TES: variants seen among roughly 807,000 people sequenced by gnomAD.
TES encodes testin LIM domain protein.
In TES, 41 loss-of-function variants were observed where a neutral mutation model predicts 48.2. That is an observed-to-expected ratio of 0.85 (90% CI 0.66 to 1.10). The LOEUF is 1.10. TES is among the 50% of genes least tolerant of loss of function. The pLI is 0.00. For synonymous variants in TES, 162 were observed against 174.9 expected, an observed-to-expected ratio of 0.93 and a Z score of 0.58; for missense variants, 463 against 515.1, an observed-to-expected ratio of 0.90 and a Z score of 0.98.
chr7:116,233,372 A>G (rs1346059486), intron 1 of TES, among the ~76,000 whole-genome samples: 3 of 152,144 alleles, frequency 2.0e-5, no homozygotes, highest in South Asian at 4.1e-4. Context: ...CTCAAAGACT[A>G]TTGTTTAATA....
In TES at chr7:116,249,129, CTGAT is replaced by C; in HGVS notation, c.226_229del (p.Ile76GlnfsTer3). Reference sequence around the variant, plus strand: ...TTTTGAAGACACCAAGTATACCACTCTGATTGCAAAACTAAAGTCAGATGGAATT... The same window carrying C: ...TTTTGAAGACACCAAGTATACCACTCTGCAAAACTAAAGTCAGATGGAATT... On this transcript the variant is annotated frameshift_variant, in exon 3 of 7. Transcript: ENST00000358204. LOFTEE classifies it high-confidence loss of function. The C allele has an allele frequency of 6.2e-7, 1 of 1,614,100 alleles. No individual in the cohort carries two copies. Among genetic ancestry groups the C allele is most frequent in the Non-Finnish European group, 8.5e-7 (1 of 1,179,988 alleles).
intron 2 of TES, among the ~76,000 whole-genome samples, chr7:116,241,421 TCTC>T (rs1018882763): frequency 1.1e-4 from 17 of 152,160 alleles, no homozygotes; most frequent in African/African-American, 3.9e-4. Context: ...AGCTGGCTCT[TCTC>T]CTTGTAGAAA....
At chr7:116,246,280 G>C (rs981285429) in intron 2 of TES, among the ~76,000 whole-genome samples, 6 of 152,200 alleles carry the variant, frequency 3.9e-5, no homozygotes, top group African/African-American at 9.7e-5. Flanking sequence ...CATTTGTGAA[G>C]TAGTGGCAGC....
Position 116,250,264 on chromosome 7 carries a change from A to G in TES, c.470A>G (p.His157Arg). The G allele has an allele frequency of 1.2e-6, 2 of 1,612,462 alleles. No individual in the cohort carries two copies. Among genetic ancestry groups the G allele is most frequent in the Non-Finnish European group, 1.7e-6 (2 of 1,179,296 alleles). ...CAGCTGGCAAAGCAGCTCCCTGCAC[A>G]TGACCAGGACCCTTCAAAGTGCCAT... is the stretch of plus-strand genomic sequence containing the variant. ...KKQLAKQLPA[H>R]DQDPSKCHEL... is the part of the protein sequence containing the mutation. Residue 157 changes from histidine (H) to arginine (R), a missense_variant, in exon 4 of 7, where the codon CAT becomes CGT. By Grantham distance (29) the His-to-Arg change is conservative (BLOSUM62 0). Transcript: ENST00000358204.
chr7:116,247,566 C>CT lies in TES; in HGVS notation c.114-1451dup, dbSNP rs201966120. ...TCTATTATTGGGGCCATCACCACTTCTTTCAGTGAATTCATTGAAAAAATC... is the reference window on the plus strand; with the variant it reads ...TCTATTATTGGGGCCATCACCACTTCTTTTCAGTGAATTCATTGAAAAAATC... On this transcript the variant is annotated intron_variant, in intron 2 of 6. Transcript: ENST00000358204. 6.9e-3 allele frequency among the ~76,000 whole-genome samples: 1,048 copies of CT among 151,892 alleles called. 2 individuals carry two copies. The highest frequency in any genetic ancestry group is 0.011 in the Non-Finnish European group (751 of 67,940).
intron 1 of TES, among the ~76,000 whole-genome samples, chr7:116,212,526 G>T (rs569641366): frequency 2.5e-4 from 38 of 152,218 alleles, no homozygotes; most frequent in Non-Finnish European, 4.9e-4. Flanking sequence ...TGGGAACTTC[G>T]AATTTTCTGC....
intron 3 of TES, chr7:116,249,859 A>G (rs17138464): frequency 0.13 from 29,876 of 232,034 alleles, 2,014 homozygotes; most frequent in South Asian, 0.18. Context: ...TGTCTGCCTA[A>G]AAGTTTATGT....
intron 2 of TES, among the ~76,000 whole-genome samples, chr7:116,246,034 G>A (rs1799919376): frequency 6.6e-6 from 1 of 151,038 alleles, no homozygotes; most frequent in Admixed American, 6.6e-5. Context: ...CAACACATGG[G>A]GATTATGGGA....
intron 1 of TES, among the ~76,000 whole-genome samples, chr7:116,228,791 A>G (rs1410622991): frequency 6.6e-6 from 1 of 151,994 alleles, no homozygotes; most frequent in African/African-American, 2.4e-5. Flanking sequence ...AATCTGACAC[A>G]TGATTTGCAA....
intron 1 of TES, among the ~76,000 whole-genome samples, chr7:116,231,459 G>A (rs1799699178): frequency 6.6e-6 from 1 of 151,520 alleles, no homozygotes; most frequent in African/African-American, 2.4e-5. Flanking sequence ...GCCCAAGGTG[G>A]TCAGGCTACA....
chr7:116,233,983 A>G (rs560276690), intron 1 of TES, among the ~76,000 whole-genome samples: 26 of 152,322 alleles, frequency 1.7e-4, no homozygotes, highest in African/African-American at 5.8e-4. Context: ...ATATTGGTAC[A>G]TTGGGGATTA....
At chr7:116,237,228 C>T (rs376258398) in intron 2 of TES, among the ~76,000 whole-genome samples, 2 of 152,252 alleles carry the variant, frequency 1.3e-5, no homozygotes, top group South Asian at 2.1e-4. Context: ...CATGGTGATC[C>T]TTGACTTAGG....
At chr7:116,226,513 G>A (rs1799623416) in intron 1 of TES, among the ~76,000 whole-genome samples, 1 of 152,204 alleles carries the variant, frequency 6.6e-6, no homozygotes, top group South Asian at 2.1e-4. Flanking sequence ...AGGAAGGCAG[G>A]TGGCGCCAGG....
At chr7:116,217,071 A>G (rs1799502724) in intron 1 of TES, among the ~76,000 whole-genome samples, 1 of 152,178 alleles carries the variant, frequency 6.6e-6, no homozygotes, top group Non-Finnish European at 1.5e-5. Flanking sequence ...ATGCTATTGC[A>G]AGTGTTGATA....
intron 5 of TES, 32 bp downstream of exon 5, chr7:116,252,007 G>C (rs778542232): frequency 6.2e-7 from 1 of 1,604,014 alleles, no homozygotes; most frequent in Middle Eastern, 1.7e-4. Context: ...GCATGCTGGT[G>C]CCCTCTTAGA....
intron 2 of TES, among the ~76,000 whole-genome samples, chr7:116,247,035 A>T (rs925006955): frequency 2.0e-5 from 3 of 150,894 alleles, no homozygotes; most frequent in Middle Eastern, 3.4e-3. Flanking sequence ...GCATGAATGA[A>T]TGAATGTCTG....
intron 1 of TES, among the ~76,000 whole-genome samples, chr7:116,232,024 T>G (rs554766900): frequency 1.6e-4 from 24 of 152,188 alleles, no homozygotes; most frequent in African/African-American, 5.1e-4. Context: ...TGTAAGTCAG[T>G]AGCGAGCTAC....
chr7:116,241,321 G>T (rs1799845471), intron 2 of TES, among the ~76,000 whole-genome samples: 1 of 152,196 alleles, frequency 6.6e-6, no homozygotes, highest in South Asian at 2.1e-4. Flanking sequence ...CCTAAAACTA[G>T]GTAAGTGGTA....
At chr7:116,244,071 G>A (rs1799889037) in intron 2 of TES, 2 of 152,138 alleles carry the variant, frequency 1.3e-5, no homozygotes, top group African/African-American at 4.8e-5. Flanking sequence ...ACAACACGTG[G>A]GGATTATGGG....
Sources: gnomAD v4.1 joint callset for allele counts (sites outside exome capture counted in the v4.1 genomes callset) on GRCh38, gnomAD v4.1.1 for gene constraint, MANE v1.5 for transcripts, NCBI Gene and HGNC (gene_info 2026-07-23, HGNC 2026-07-21) for gene names.